SCFD2: variants seen among roughly 807,000 people sequenced by gnomAD.
SCFD2 encodes sec1 family domain-containing protein 2.
Under a neutral mutation model 58.9 loss-of-function variants are expected in SCFD2, and 54 were observed. The ratio of observed to expected loss-of-function variants is 0.92; its 90% CI spans 0.74 to 1.15. The LOEUF (loss-of-function observed/expected upper bound fraction) is 1.15, where lower values mean the gene tolerates loss of function less well. Among genes scored for constraint, SCFD2 ranks in the 50% most tolerant of loss-of-function variants. SCFD2 has a pLI of 0.00. For missense variants in SCFD2, 805 were observed against 836.6 expected (o/e 0.96, Z 0.47); for synonymous variants, 321 against 335.9 (o/e 0.96, Z 0.49).
In SCFD2 at chr4:53,235,817, G is replaced by A. The variant is rs563154519; in HGVS notation, c.1311+38009C>T. Among the ~76,000 whole-genome samples the A allele has an allele frequency of 6.6e-5, 10 of 152,278 alleles. No individual in the cohort carries two copies. In the South Asian group the frequency reaches 1.7e-3, roughly 25 times the overall value. On this transcript the variant is annotated intron_variant, in intron 4 of 8. Transcript: ENST00000401642. The stretch of plus-strand genomic sequence containing the variant: ...CATACGTGTGTGCATACATACGTGT[G>A]TGCATACATATGTGTGTATAAGGAC...
chr4:52,901,386 C>A (rs985181642), intron 7 of SCFD2, among the ~76,000 whole-genome samples: 13 of 152,158 alleles, frequency 8.5e-5, no homozygotes, highest in Admixed American at 7.2e-4. Flanking sequence ...GAGCACAGTG[C>A]TGTGGAAGTG....
chr4:52,987,237 C>T lies in SCFD2; in HGVS notation c.1562-66367G>A, dbSNP rs528428334. On this transcript the variant is annotated intron_variant, in intron 5 of 8. Transcript: ENST00000401642. Reference sequence around the variant, plus strand: ...TAGAGACGGGGTTTCACCGTGGTCACGATCTCCTGTCCTCGTGATCCGCCC... The same window carrying T: ...TAGAGACGGGGTTTCACCGTGGTCATGATCTCCTGTCCTCGTGATCCGCCC... 5.3e-5 allele frequency among the ~76,000 whole-genome samples: 8 copies of T among 152,216 alleles called. No individual in the cohort carries two copies. In the South Asian group the frequency reaches 1.2e-3, roughly 24 times the overall value.
At chr4:53,198,907 T>G (rs1728142569) in intron 4 of SCFD2, among the ~76,000 whole-genome samples, 1 of 152,158 alleles carries the variant, frequency 6.6e-6, no homozygotes, top group Admixed American at 6.6e-5. Flanking sequence ...TGGGACATAA[T>G]TCTTCATAAT....
chr4:52,879,083 C>T (rs1169063796), intron 8 of SCFD2, among the ~76,000 whole-genome samples: 1 of 152,138 alleles, frequency 6.6e-6, no homozygotes, highest in African/African-American at 2.4e-5. Context: ...AGTCAGCTGA[C>T]TTTACTCCGA....
chr4:53,172,657 T>A (rs1327257505), intron 4 of SCFD2, among the ~76,000 whole-genome samples: 1 of 152,208 alleles, frequency 6.6e-6, no homozygotes, highest in Non-Finnish European at 1.5e-5. Context: ...TTCCCAAGAT[T>A]TTTCCTGTTA....
rs10557430 is a variant in SCFD2 at position 52,907,708 on chromosome 4, A to ATGTGTGTGTG, written c.1708-127_1708-118dup. 8.8e-4 allele frequency: 603 copies of ATGTGTGTGTG among 685,048 alleles called. 4 individuals are homozygous for ATGTGTGTGTG. The African/African-American group carries it at 9.5e-3, about 11-fold the overall frequency. The allele number at this position is 685,048 out of a possible 1,614,324, so 42.4% of individuals were successfully genotyped here. On this transcript the variant is annotated intron_variant, in intron 6 of 8. Coordinates refer to ENST00000401642, the MANE Select transcript of SCFD2 (RefSeq NM_152540.4). ...TATTTTGATACTGAGCAATGCCTAT[A>ATGTGTGTGTG]TGTGTGTGTGTGTGTGTGTGTGTGT...
chr4:52,926,724 G>T (rs1719873153), intron 5 of SCFD2, among the ~76,000 whole-genome samples: 1 of 152,132 alleles, frequency 6.6e-6, no homozygotes, highest in African/African-American at 2.4e-5. Flanking sequence ...CTGCCTGCCT[G>T]CCTATCAGCA....
intron 5 of SCFD2, among the ~76,000 whole-genome samples, chr4:53,012,795 T>C (rs1347917214): frequency 6.8e-6 from 1 of 147,250 alleles, no homozygotes; most frequent in Non-Finnish European, 1.5e-5. Context: ...TTTACCTCCC[T>C]CTCCCTCTCC....
intron 4 of SCFD2, among the ~76,000 whole-genome samples, chr4:53,157,175 T>A (rs1644112912): frequency 6.6e-6 from 1 of 152,218 alleles, no homozygotes; most frequent in Non-Finnish European, 1.5e-5. Flanking sequence ...ATAAAATGTG[T>A]TGACATTTGG....
rs1290097059 is a variant in SCFD2, at chr4:53,003,100, C to G, written c.1562-82230G>C. ...GTCCCCTCCCATTGGGCCCCACCAC[C>G]AACACGGGATTACAATTCAACATGA... On this transcript the variant is annotated intron_variant, in intron 5 of 8. Coordinates refer to ENST00000401642, the MANE Select transcript of SCFD2 (RefSeq NM_152540.4). 2.6e-5 allele frequency among the ~76,000 whole-genome samples: 4 copies of G among 152,336 alleles called. No homozygotes were observed. In the East Asian group the frequency reaches 7.7e-4, roughly 29 times the overall value.
At chr4:53,329,229 G>C (rs1412919565) in intron 2 of SCFD2, among the ~76,000 whole-genome samples, 1 of 152,208 alleles carries the variant, frequency 6.6e-6, no homozygotes, top group Non-Finnish European at 1.5e-5. Flanking sequence ...AGCTCGAACT[G>C]GGTGGAGCCC....
chr4:53,076,389 C>T (rs182599038), intron 5 of SCFD2, among the ~76,000 whole-genome samples: 71 of 152,186 alleles, frequency 4.7e-4, no homozygotes, highest in Non-Finnish European at 8.7e-4. Flanking sequence ...CAGGCAAGAG[C>T]GGACCCATCT....
intron 4 of SCFD2, among the ~76,000 whole-genome samples, chr4:53,213,343 T>A (rs186064622): frequency 2.3e-4 from 35 of 152,168 alleles, no homozygotes; most frequent in African/African-American, 8.4e-4. Flanking sequence ...AAACAAGAAC[T>A]CGAAAACCTT....
intron 5 of SCFD2, among the ~76,000 whole-genome samples, chr4:53,066,198 C>T (rs1234726547): frequency 6.6e-6 from 1 of 152,062 alleles, no homozygotes; most frequent in Non-Finnish European, 1.5e-5. Flanking sequence ...TTTACCTTAT[C>T]AAAAAGTTAC....
At chr4:53,206,698 T>C (rs1044875420) in intron 4 of SCFD2, among the ~76,000 whole-genome samples, 9 of 152,144 alleles carry the variant, frequency 5.9e-5, no homozygotes, top group African/African-American at 1.9e-4. Flanking sequence ...TAAAATAATT[T>C]AATGGTCATG....
chr4:52,879,074 G>C (rs1038907856), intron 8 of SCFD2, among the ~76,000 whole-genome samples: 3 of 152,032 alleles, frequency 2.0e-5, no homozygotes, highest in Non-Finnish European at 4.4e-5. Flanking sequence ...GGGCTAAAGA[G>C]TCAGCTGACT....
chr4:53,202,902 C>T (rs921611224), intron 4 of SCFD2, among the ~76,000 whole-genome samples: 1 of 152,168 alleles, frequency 6.6e-6, no homozygotes, highest in Non-Finnish European at 1.5e-5. Flanking sequence ...GCTGAAGTTG[C>T]CTATCAGCTG....
intron 5 of SCFD2, among the ~76,000 whole-genome samples, chr4:53,078,966 C>A (rs1425809603): frequency 6.6e-6 from 1 of 151,464 alleles, no homozygotes; most frequent in Admixed American, 6.6e-5. Flanking sequence ...TTTTGTAAAA[C>A]TCTAAACTAA....
At chr4:52,903,785 T>A (rs1246531870) in intron 7 of SCFD2, among the ~76,000 whole-genome samples, 1 of 152,240 alleles carries the variant, frequency 6.6e-6, no homozygotes, top group Non-Finnish European at 1.5e-5. Context: ...CTTTTTCATT[T>A]AAAAACATGC....
Sources: allele counts gnomAD v4.1 joint callset (sites outside exome capture counted in the v4.1 genomes callset), GRCh38; gene constraint gnomAD v4.1.1; transcripts MANE v1.5; gene names NCBI Gene and HGNC (gene_info 2026-07-23, HGNC 2026-07-21).